The following RNF169 variants were observed in gnomAD, a reference collection of about 807,000 sequenced individuals.
RNF169 encodes ring finger protein 169.
A neutral mutation model predicts 53.9 loss-of-function variants in RNF169; 24 were observed. The ratio of observed to expected loss-of-function variants is 0.45; its 90% confidence interval spans 0.32 to 0.63. RNF169 has a LOEUF of 0.63. Among genes scored for constraint, RNF169 ranks in the 20% least tolerant of loss-of-function variants. The pLI is 0.04. For synonymous variants in RNF169, 396 were observed against 363.5 expected, an observed-to-expected ratio of 1.09 and a Z score of -1.02; for missense variants, 883 against 906.2, an observed-to-expected ratio of 0.97 and a Z score of 0.33.
At chr11:74,807,277 A>T (rs1321688147) in intron 2 of RNF169, among the ~76,000 whole-genome samples, 6 of 152,112 alleles carry the variant, frequency 3.9e-5, no homozygotes, top group Non-Finnish European at 7.4e-5. Flanking sequence ...GGTCAATGGG[A>T]TGTGGGAGCC....
intron 1 of RNF169, among the ~76,000 whole-genome samples, chr11:74,781,920 T>G (rs908750167): frequency 6.6e-6 from 1 of 152,176 alleles, no homozygotes; most frequent in Non-Finnish European, 1.5e-5. Context: ...CATTATGAAG[T>G]TGAGTTAGTT....
At chr11:74,788,099 T>C (rs2035529758) in intron 1 of RNF169, among the ~76,000 whole-genome samples, 2 of 152,186 alleles carry the variant, frequency 1.3e-5, no homozygotes, top group Non-Finnish European at 2.9e-5. Flanking sequence ...AAAAAGAATA[T>C]TAGCCCAAAA....
chr11:74,760,542 T>G (rs1033450211), intron 1 of RNF169, among the ~76,000 whole-genome samples: 2 of 152,138 alleles, frequency 1.3e-5, no homozygotes, highest in African/African-American at 4.8e-5. Context: ...AAGAACATCT[T>G]TATGTCTGCC....
At chr11:74,819,003 C>T (rs2035975934) in intron 4 of RNF169, among the ~76,000 whole-genome samples, 1 of 151,656 alleles carries the variant, frequency 6.6e-6, no homozygotes, top group African/African-American at 2.4e-5. Context: ...TAAATCACTT[C>T]AGATTCTTCT....
At chr11:74,793,950 A>G (rs1396803552) in intron 2 of RNF169, among the ~76,000 whole-genome samples, 2 of 152,158 alleles carry the variant, frequency 1.3e-5, no homozygotes, top group South Asian at 2.1e-4. Context: ...GCAGACACAT[A>G]CATAAACACT....
intron 1 of RNF169, among the ~76,000 whole-genome samples, chr11:74,762,797 A>T (rs892909593): frequency 6.6e-6 from 1 of 152,142 alleles, no homozygotes; most frequent in Non-Finnish European, 1.5e-5. Context: ...AGATAGGAAA[A>T]TCTCGTTTCC....
intron 2 of RNF169, 73 bp downstream of exon 2, chr11:74,789,772 G>A: frequency 2.0e-6 from 2 of 989,576 alleles, no homozygotes; most frequent in Non-Finnish European, 1.6e-6. Context: ...CTTAGTGGGA[G>A]TTTTGACCAG....
At chr11:74,797,967 T>G (rs187951708) in intron 2 of RNF169, among the ~76,000 whole-genome samples, 1 of 152,324 alleles carries the variant, frequency 6.6e-6, no homozygotes, top group Admixed American at 6.5e-5. Context: ...TTTCGAAGAT[T>G]TCATGGACAC....
chr11:74,762,304 C>T (rs532432800), intron 1 of RNF169, among the ~76,000 whole-genome samples: 36 of 151,726 alleles, frequency 2.4e-4, no homozygotes, highest in Non-Finnish European at 4.1e-4. Flanking sequence ...TCTCTCAGCT[C>T]GTCAAAATCA....
chr11:74,807,792 A>G (rs2035825429), intron 2 of RNF169: 1 of 152,192 alleles, frequency 6.6e-6, no homozygotes, highest in Non-Finnish European at 1.5e-5. Context: ...ACCCTCCCTT[A>G]GTCTTTTTCA....
rs1201455129 is a variant in RNF169, at chr11:74,749,212, C to G, written c.332C>G (p.Pro111Arg). ...PGCPRCRARG[P>R]GWARRRARDD... ...TGCCCTCGCTGCCGCGCCCGCGGCCCAGGCTGGGCCCGCCGTCGGGCCCGC... is the reference window on the plus strand; with the variant it reads ...TGCCCTCGCTGCCGCGCCCGCGGCCGAGGCTGGGCCCGCCGTCGGGCCCGC... Residue 111 changes from proline to arginine, a missense_variant, in exon 1 of 6, where the codon CCA (proline) becomes CGA (arginine). Physicochemically the swap from Pro to Arg is moderately radical, Grantham distance 103. Around this residue, in one of 3 missense-constraint regions of RNF169, gnomAD observed 313 missense variants for 279.9 expected, o/e 1.12. Transcript: ENST00000299563. 2.6e-5 allele frequency: 29 copies of G among 1,098,668 alleles called. No homozygotes were observed. The highest frequency in any genetic ancestry group is 3.2e-5 in the Non-Finnish European group (29 of 905,306). The allele number at this position is 1,098,668 out of a possible 1,614,324, so 68.1% of individuals were successfully genotyped here.
chr11:74,803,240 C>G (rs2035759672), intron 2 of RNF169, among the ~76,000 whole-genome samples: 1 of 152,136 alleles, frequency 6.6e-6, no homozygotes, highest in African/African-American at 2.4e-5. Context: ...CGCCCACCAC[C>G]ACGCCTGGCT....
At chr11:74,750,528 A>G (rs1326210574) in intron 1 of RNF169, among the ~76,000 whole-genome samples, 1 of 119,658 alleles carries the variant, frequency 8.4e-6, no homozygotes, top group Non-Finnish European at 1.8e-5. Context: ...GGGCTATTTT[A>G]TTCCTGGGGT....
intron 2 of RNF169, among the ~76,000 whole-genome samples, chr11:74,800,449 G>T (rs2035713213): frequency 6.6e-6 from 1 of 152,088 alleles, no homozygotes; most frequent in South Asian, 2.1e-4. Flanking sequence ...TCAAATCCTG[G>T]CTCTGCCACT....
intron 1 of RNF169, among the ~76,000 whole-genome samples, chr11:74,783,700 G>A (rs1214150929): frequency 6.6e-6 from 1 of 152,102 alleles, no homozygotes; most frequent in Admixed American, 6.6e-5. Context: ...ACATCTTGTT[G>A]CTCTGCTTTG....
chr11:74,775,321 C>T (rs969030130), intron 1 of RNF169, among the ~76,000 whole-genome samples: 1 of 152,068 alleles, frequency 6.6e-6, no homozygotes, highest in Non-Finnish European at 1.5e-5. Context: ...TTTGTACTCC[C>T]TCCTCTCTAT....
At chr11:74,758,376 G>A (rs2035019491) in intron 1 of RNF169, among the ~76,000 whole-genome samples, 1 of 147,414 alleles carries the variant, frequency 6.8e-6, no homozygotes, top group Admixed American at 6.7e-5. Context: ...TTTGGTACCA[G>A]TACCATGCTG....
intron 1 of RNF169, among the ~76,000 whole-genome samples, chr11:74,785,130 G>A (rs556766123): frequency 1.4e-5 from 2 of 143,528 alleles, no homozygotes; most frequent in Non-Finnish European, 3.0e-5. Flanking sequence ...GGAAGACTAA[G>A]GCAAAGAGAA....
intron 2 of RNF169, among the ~76,000 whole-genome samples, chr11:74,797,331 G>A (rs547695943): frequency 6.6e-6 from 1 of 152,172 alleles, no homozygotes; most frequent in African/African-American, 2.4e-5. Flanking sequence ...AAATCCATTT[G>A]GCTGTGTAGT....
Sources: allele counts gnomAD v4.1 joint callset (sites outside exome capture counted in the v4.1 genomes callset), GRCh38; gene constraint gnomAD v4.1.1; regional missense constraint gnomAD v4.1.1; transcripts MANE v1.5; gene names NCBI Gene and HGNC (gene_info 2026-07-23, HGNC 2026-07-21).